The following TRPM2 variants were observed in gnomAD, a reference collection of about 807,000 sequenced individuals.
The protein encoded by TRPM2 is estrogen-responsive element-associated gene 1 protein.
A neutral mutation model predicts 174.0 loss-of-function variants in TRPM2; 161 were observed. The ratio of observed to expected loss-of-function variants is 0.93; its 90% CI spans 0.81 to 1.05. TRPM2 has a LOEUF of 1.05. Ranked by LOEUF, TRPM2 falls within the 50% of genes least tolerant of loss-of-function variation. TRPM2 has a pLI of 0.00. For synonymous variants in TRPM2, 954 were observed against 861.3 expected (o/e 1.11, Z -1.88); for missense variants, 2,057 against 2,038.0 (o/e 1.01, Z -0.18).
At chr21:44,431,601 A>C (rs971292653) in intron 27 of TRPM2, among the ~76,000 whole-genome samples, 2 of 152,030 alleles carry the variant, frequency 1.3e-5, no homozygotes. Flanking sequence ...TCAGCCTCCC[A>C]AGTCACTGGA....
chr21:44,364,783 C>T (rs971700423), intron 3 of TRPM2, among the ~76,000 whole-genome samples: 1 of 152,150 alleles, frequency 6.6e-6, no homozygotes, highest in Non-Finnish European at 1.5e-5. Flanking sequence ...CCAGGCATGG[C>T]GGGATCCAGG....
At chr21:44,401,025 CT>C (rs576592244) in intron 15 of TRPM2, among the ~76,000 whole-genome samples, 2 of 152,292 alleles carry the variant, frequency 1.3e-5, no homozygotes, top group African/African-American at 4.8e-5. Flanking sequence ...GCCTCCTTCC[CT>C]TTCTCCTCAC....
intron 3 of TRPM2, among the ~76,000 whole-genome samples, chr21:44,365,934 G>T (rs933817558): frequency 1.3e-5 from 2 of 152,226 alleles, no homozygotes; most frequent in African/African-American, 4.8e-5. Context: ...GGGTTAACTG[G>T]ACCTTCTTTA....
At chr21:44,405,314 G>T in intron 17 of TRPM2, 54 bp downstream of exon 17, 2 of 1,604,628 alleles carry the variant, frequency 1.2e-6, no homozygotes, top group Non-Finnish European at 1.7e-6. Context: ...GCCCTGCAGG[G>T]GATGAGCACA....
chr21:44,393,487 C>T (rs145836353), intron 11 of TRPM2, among the ~76,000 whole-genome samples: 1 of 152,226 alleles, frequency 6.6e-6, no homozygotes, highest in African/African-American at 2.4e-5. Flanking sequence ...GCTTTGATTG[C>T]AGTTTTATTT....
rs963010649 is a variant in TRPM2 at position 44,367,213 on chromosome 21, C to T, written c.604+279C>T. 6.6e-6 allele frequency among the ~76,000 whole-genome samples: 1 copy of T among 151,876 alleles called. No individual in the cohort carries two copies. The highest frequency in any genetic ancestry group is 2.4e-5 in the African/African-American group (1 of 41,328). On this transcript the variant is annotated intron_variant, in intron 4 of 31. Transcript: ENST00000397928. The surrounding 1 kb of genome is among the most constrained non-coding windows in gnomAD (Gnocchi z 4.6). ...ATGAGAACCTTGGTGGCCTGGGAAC[C>T]TTGGTGGCCTGAGAACCTTGGTGGC...
At chr21:44,398,218 T>G (rs561764164) in intron 13 of TRPM2, among the ~76,000 whole-genome samples, 1 of 151,542 alleles carries the variant, frequency 6.6e-6, no homozygotes, top group South Asian at 2.1e-4. Context: ...TTTTTTTTTT[T>G]GAGATGGAGT....
At chr21:44,387,128 G>A (rs1189002021) in intron 9 of TRPM2, among the ~76,000 whole-genome samples, 1 of 152,186 alleles carries the variant, frequency 6.6e-6, no homozygotes, top group East Asian at 1.9e-4. Context: ...TGGGGCTGCA[G>A]TGAGCTGTGA....
chr21:44,403,344 C>T (rs2049695946), intron 16 of TRPM2, among the ~76,000 whole-genome samples: 1 of 152,194 alleles, frequency 6.6e-6, no homozygotes, highest in African/African-American at 2.4e-5. Context: ...GGGGCTCCCA[C>T]AGCCCCTGCC....
chr21:44,407,637 G>A (rs978903438), intron 19 of TRPM2, among the ~76,000 whole-genome samples: 7 of 151,646 alleles, frequency 4.6e-5, no homozygotes, highest in African/African-American at 1.7e-4. Context: ...AGCCACCCAC[G>A]AAGCTACTTG....
At chr21:44,363,070 C>A (rs2048263984) in intron 2 of TRPM2, among the ~76,000 whole-genome samples, 1 of 151,224 alleles carries the variant, frequency 6.6e-6, no homozygotes, top group African/African-American at 2.4e-5. Flanking sequence ...CTGCGCCTCG[C>A]CGCTTTTAAA....
intron 8 of TRPM2, among the ~76,000 whole-genome samples, chr21:44,379,532 T>G (rs1477408208): frequency 6.6e-6 from 1 of 152,170 alleles, no homozygotes; most frequent in Admixed American, 6.5e-5. Context: ...CTCAGCCGAG[T>G]CGGGCAGCAG....
At chr21:44,377,096 G>C (rs1403923299) in intron 6 of TRPM2, among the ~76,000 whole-genome samples, 1 of 152,216 alleles carries the variant, frequency 6.6e-6, no homozygotes, top group African/African-American at 2.4e-5. Flanking sequence ...TTGAGAACCT[G>C]CTTGACTAGG....
chr21:44,354,134 G>T lies in TRPM2; in HGVS notation c.165+269G>T, dbSNP rs996580982. Among the ~76,000 whole-genome samples the T allele has an allele frequency of 7.2e-5, 11 of 152,188 alleles. No homozygotes were observed. Among genetic ancestry groups the T allele is most frequent in the African/African-American group, 2.7e-4 (11 of 41,428 alleles). ...TGTTGCGCTAGAGTCCTGGAAATCT[G>T]TTACCCGTGCTTACCTTGTTGCATA... On this transcript the variant is annotated intron_variant, in intron 1 of 31. Coordinates refer to ENST00000397928, the MANE Select transcript of TRPM2 (RefSeq NM_003307.4). This position sits in a 1 kb window ranked among gnomAD's most constrained non-coding sequence, Gnocchi z 4.3.
intron 19 of TRPM2, 68 bp downstream of exon 19, chr21:44,406,833 C>T (rs2146302437): frequency 6.5e-7 from 1 of 1,535,704 alleles, no homozygotes; most frequent in East Asian, 2.4e-5. Context: ...TGGAAAGGGG[C>T]CGCATGAGTG....
chr21:44,362,899 G>A (rs1022156350), intron 2 of TRPM2, among the ~76,000 whole-genome samples: 1 of 151,898 alleles, frequency 6.6e-6, no homozygotes, highest in Non-Finnish European at 1.5e-5. Flanking sequence ...TCAGCGTCCC[G>A]AGTGGCTGGG....
intron 12 of TRPM2, 27 bp from the exon 13 acceptor site, chr21:44,397,714 CTTTAGT>C (rs1347519382): frequency 3.9e-6 from 6 of 1,527,838 alleles, no homozygotes; most frequent in Non-Finnish European, 5.3e-6. Flanking sequence ...GAGCCTGGCT[CTTTAGT>C]CTCACGGTGG....
At position 44,366,852 on chromosome 21, in the gene TRPM2, C is replaced by T. The variant is rs763649131; in HGVS notation, c.522C>T (p.Thr174=). ...LDVPNLLISV[T]GGAKNFNMKP... is the part of the protein sequence containing the mutation. ...TCCCCAATCTCTTGATCTCGGTGACCGGGGGGGCCAAGAACTTCAACATGA... is the reference window on the plus strand; with the variant it reads ...TCCCCAATCTCTTGATCTCGGTGACTGGGGGGGCCAAGAACTTCAACATGA... The change falls in exon 4 of 32, where the codon ACC becomes ACT. Residue 174 remains threonine (T), a synonymous_variant. Transcript: ENST00000397928. The surrounding 1 kb of genome is among the most constrained non-coding windows in gnomAD (Gnocchi z 6.0). 15 of 1,613,420 alleles carry T rather than the reference C, an allele frequency of 9.3e-6. No individual in the cohort carries two copies. Among genetic ancestry groups the T allele is most frequent in the Admixed American group, 6.7e-5 (4 of 59,962 alleles).
At chr21:44,380,877 G>A (rs1261645420) in intron 8 of TRPM2, among the ~76,000 whole-genome samples, 1 of 152,176 alleles carries the variant, frequency 6.6e-6, no homozygotes, top group Non-Finnish European at 1.5e-5. Flanking sequence ...AGGCCCTGGC[G>A]TCCATATGGG....
Sources: allele counts gnomAD v4.1 joint callset (sites outside exome capture counted in the v4.1 genomes callset), GRCh38; gene constraint gnomAD v4.1.1; non-coding constraint Gnocchi (gnomAD v3.1); transcripts MANE v1.5; gene names NCBI Gene and HGNC (gene_info 2026-07-23, HGNC 2026-07-21).